PLB1: variants seen among roughly 807,000 people sequenced by gnomAD.
PLB1 encodes the protein phospholipase B1.
A neutral mutation model predicts 227.4 loss-of-function variants in PLB1; 242 were observed. That is an observed-to-expected ratio of 1.06 (90% CI 0.96 to 1.18). The LOEUF is 1.18. Ranked by LOEUF, PLB1 falls within the 50% of genes most tolerant of loss-of-function variation. The pLI is 0.00. For missense variants in PLB1, 1,858 were observed against 1,816.3 expected (o/e 1.02, Z -0.42); for synonymous variants, 757 against 682.2 (o/e 1.11, Z -1.71).
chr2:28,518,929 A>G (rs1169789906), intron 3 of PLB1, among the ~76,000 whole-genome samples: 1 of 152,150 alleles, frequency 6.6e-6, no homozygotes, highest in Non-Finnish European at 1.5e-5. Context: ...TGACTTTATC[A>G]TATTGAGAGG....
chr2:28,564,835 C>T (rs903783664), intron 18 of PLB1, among the ~76,000 whole-genome samples: 8 of 147,792 alleles, frequency 5.4e-5, no homozygotes, highest in South Asian at 2.2e-4. Context: ...ATGACGGCTA[C>T]GTGGGATTTC....
chr2:28,598,706 A>C lies in PLB1; in HGVS notation c.2420A>C (p.Asp807Ala). 5 of 1,614,240 alleles carry C rather than the reference A, an allele frequency of 3.1e-6. No individual in the cohort carries two copies. Among genetic ancestry groups the C allele is most frequent in the Non-Finnish European group, 4.2e-6 (5 of 1,180,022 alleles). The change falls in exon 35 of 58, where the codon GAT (aspartate) becomes GCT (alanine). Residue 807 changes from aspartate (D) to alanine (A), a missense_variant. By Grantham distance (126) the Asp-to-Ala change is moderately radical. Transcript: ENST00000327757. ...ACAGGCTACGCCGTGGGCACGGGTGATGCCAATGACACGAATGCATTCCTC... is the reference window on the plus strand; with the variant it reads ...ACAGGCTACGCCGTGGGCACGGGTGCTGCCAATGACACGAATGCATTCCTC... ...NLTGYAVGTG[D>A]ANDTNAFLNQ...
intron 34 of PLB1, among the ~76,000 whole-genome samples, chr2:28,598,392 A>T (rs1044814850): frequency 3.3e-5 from 5 of 152,186 alleles, no homozygotes; most frequent in Admixed American, 3.3e-4. Context: ...GTGACCCTTC[A>T]ATGCACTGTG....
intron 23 of PLB1, among the ~76,000 whole-genome samples, chr2:28,581,831 C>T (rs1366707086): frequency 2.0e-5 from 3 of 152,062 alleles, no homozygotes; most frequent in South Asian, 4.2e-4. Flanking sequence ...TGTGGTGGCA[C>T]GCACCCATGG....
chr2:28,586,190 G>A (rs1680879430), intron 26 of PLB1, among the ~76,000 whole-genome samples: 1 of 152,168 alleles, frequency 6.6e-6, no homozygotes, highest in African/African-American at 2.4e-5. Flanking sequence ...GTTGTGGAAT[G>A]TTAGACACAT....
intron 49 of PLB1, among the ~76,000 whole-genome samples, chr2:28,621,312 G>A (rs967498355): frequency 5.3e-5 from 8 of 152,138 alleles, no homozygotes; most frequent in African/African-American, 1.7e-4. Flanking sequence ...GGACCCGGGC[G>A]CTGTCCCTGC....
At position 28,642,976 on chromosome 2, in the gene PLB1, G is replaced by T. The variant is rs1244831687; in HGVS notation, c.4292G>T (p.Gly1431Val). ...GCAGCGGGAGTCGGCCTTGTGGTGG[G>T]CATCATCGGGACAGTGGTCTGGAGG... ...PVAAGVGLVV[G>V]IIGTVVWRCR... The change falls in exon 58 of 58, where the codon GGC (glycine) becomes GTC (valine). Residue 1431 changes from glycine to valine, a missense_variant. Physicochemically the swap from Gly to Val is moderately radical, Grantham distance 109. Coordinates refer to ENST00000327757, the MANE Select transcript of PLB1 (RefSeq NM_153021.5). 1 of 1,610,188 alleles carries T rather than the reference G, an allele frequency of 6.2e-7. No homozygotes were observed. The highest frequency in any genetic ancestry group is 1.7e-5 in the Admixed American group (1 of 59,582).
chr2:28,592,368 C>T (rs1682106382), intron 31 of PLB1, among the ~76,000 whole-genome samples: 1 of 152,098 alleles, frequency 6.6e-6, no homozygotes, highest in Non-Finnish European at 1.5e-5. Context: ...CCCTCCCTCC[C>T]ACCTTTCCCT....
chr2:28,538,872 G>A (rs1037790037), intron 10 of PLB1, among the ~76,000 whole-genome samples: 5 of 152,206 alleles, frequency 3.3e-5, no homozygotes, highest in East Asian at 1.9e-4. Context: ...GAGGCGCCCC[G>A]CCCACCGTGA....
chr2:28,600,010 C>T (rs1012280942), intron 35 of PLB1, among the ~76,000 whole-genome samples: 2 of 152,146 alleles, frequency 1.3e-5, no homozygotes, highest in African/African-American at 4.8e-5. Flanking sequence ...CAGGTTTAAG[C>T]AATCATCCCA....
At chr2:28,630,547 GC>G in intron 53 of PLB1, 38 bp from the exon 54 acceptor site, 1 of 1,573,746 alleles carries the variant, frequency 6.4e-7, no homozygotes, top group Non-Finnish European at 8.7e-7. Context: ...GAGCCACAGT[GC>G]CCCAGGCAGC....
intron 16 of PLB1, 77 bp downstream of exon 16, chr2:28,550,161 T>G: frequency 7.1e-6 from 8 of 1,132,842 alleles, no homozygotes; most frequent in East Asian, 2.7e-5. Context: ...CTTTCGAACC[T>G]TCCACGTGGT....
chr2:28,596,689 G>A (rs949912737), intron 33 of PLB1, among the ~76,000 whole-genome samples: 2 of 152,214 alleles, frequency 1.3e-5, no homozygotes, highest in South Asian at 2.1e-4. Flanking sequence ...AGAATCAGAC[G>A]CTTAAACAAA....
At chr2:28,536,513 G>A (rs1558693584) in intron 9 of PLB1, among the ~76,000 whole-genome samples, 1 of 152,182 alleles carries the variant, frequency 6.6e-6, no homozygotes. Context: ...GTACACTGGT[G>A]TGTGATTCAA....
intron 20 of PLB1, among the ~76,000 whole-genome samples, chr2:28,569,077 AGTCCATCT>A (rs2148249350): frequency 6.6e-6 from 1 of 152,340 alleles, no homozygotes; most frequent in East Asian, 1.9e-4. Flanking sequence ...GAATGAGTCC[AGTCCATCT>A]GTGCTGAGTA....
chr2:28,617,937 C>T (rs767752857), intron 45 of PLB1, 150 bp downstream of exon 45: 24 of 789,338 alleles, frequency 3.0e-5, no homozygotes, highest in Non-Finnish European at 4.9e-5. Context: ...GCCGCCACAG[C>T]TGGGCTTCCA....
At chr2:28,496,483 G>A (rs984125555) in intron 1 of PLB1, among the ~76,000 whole-genome samples, 2 of 152,126 alleles carry the variant, frequency 1.3e-5, no homozygotes, top group Admixed American at 6.5e-5. Context: ...GTGGCTTTGG[G>A]CAAGTTCTTC....
At position 28,598,643 on chromosome 2, in the gene PLB1, C is replaced by T. The variant is rs1558876863; in HGVS notation, c.2366-9C>T. 6.2e-7 allele frequency: 1 copy of T among 1,608,548 alleles called. No individual in the cohort carries two copies. The highest frequency in any genetic ancestry group is 1.7e-5 in the Admixed American group (1 of 60,026). The stretch of plus-strand genomic sequence containing the variant: ...GAGCCGTCTGCATCCCATTCACCTT[C>T]TCTTCCAGATATCCTTCGGGAGTTT... On this transcript the variant is annotated splice_polypyrimidine_tract_variant and intron_variant, in intron 34 of 57. Transcript: ENST00000327757.
intron 21 of PLB1, among the ~76,000 whole-genome samples, chr2:28,577,674 C>G (rs560851825): frequency 6.6e-6 from 1 of 152,320 alleles, no homozygotes; most frequent in South Asian, 2.1e-4. Context: ...AACCCCATCT[C>G]TACTAAAAAT....
Sources: allele counts gnomAD v4.1 joint callset (sites outside exome capture counted in the v4.1 genomes callset), GRCh38; gene constraint gnomAD v4.1.1; transcripts MANE v1.5; gene names NCBI Gene and HGNC (gene_info 2026-07-23, HGNC 2026-07-21).